The following EYS variants were observed in gnomAD, a reference collection of about 807,000 sequenced individuals.
The protein encoded by EYS is protein eyes shut homolog.
EYS carries 250 observed loss-of-function variants against 282.1 expected under a neutral mutation model. The ratio of observed to expected loss-of-function variants is 0.89; its 90% CI spans 0.80 to 0.98. The LOEUF is 0.98. EYS is among the 50% of genes least tolerant of loss of function. The probability of loss-of-function intolerance (pLI) is 0.00; values close to 1 mark genes in which losing one functional copy is unlikely to be tolerated. For synonymous variants in EYS, 1,355 were observed against 1,282.9 expected (o/e 1.06, Z -1.20); for missense variants, 4,016 against 3,709.0 (o/e 1.08, Z -2.15).
Position 65,033,852 on chromosome 6 carries a change from C to G in EYS, c.2137+23762G>C, listed in dbSNP as rs572024049. 5.3e-5 allele frequency among the ~76,000 whole-genome samples: 8 copies of G among 152,172 alleles called. 1 individual carries two copies. The highest frequency in any genetic ancestry group is 1.9e-4 in the African/African-American group (8 of 41,502). On this transcript the variant is annotated intron_variant, in intron 13 of 42. Coordinates refer to ENST00000503581, the MANE Select transcript of EYS (RefSeq NM_001142800.2). ...GAAAAAGGTCACTCTTCTTTTGACC[C>G]CAGAAAGGTAGATCCACTGACAGCT...
chr6:64,526,125 T>C (rs1320309894), intron 26 of EYS, among the ~76,000 whole-genome samples: 1 of 151,870 alleles, frequency 6.6e-6, no homozygotes, highest in African/African-American at 2.4e-5. Flanking sequence ...TATACTGTTT[T>C]TGAAATTATA....
intron 35 of EYS, among the ~76,000 whole-genome samples, chr6:63,892,957 G>T (rs2149725959): frequency 6.6e-6 from 1 of 152,278 alleles, no homozygotes; most frequent in South Asian, 2.1e-4. Flanking sequence ...AGACGTTTAT[G>T]CAGCCAACAA....
At chr6:64,156,142 T>TA (rs1774914345) in intron 31 of EYS, among the ~76,000 whole-genome samples, 1 of 151,900 alleles carries the variant, frequency 6.6e-6, no homozygotes, top group African/African-American at 2.4e-5. Context: ...TATACTCCCA[T>TA]AATTTCCACA....
At chr6:65,219,410 G>A (rs376048111) in intron 12 of EYS, among the ~76,000 whole-genome samples, 1 of 151,718 alleles carries the variant, frequency 6.6e-6, no homozygotes, top group East Asian at 1.9e-4. Flanking sequence ...TTAAAATATA[G>A]TAGAGTGTTT....
At chr6:64,848,784 T>C (rs1765793095) in intron 19 of EYS, among the ~76,000 whole-genome samples, 1 of 152,074 alleles carries the variant, frequency 6.6e-6, no homozygotes, top group Admixed American at 6.6e-5. Context: ...GTCCATCTAA[T>C]GTTAAATTCT....
At chr6:65,564,931 GAAAC>G (rs1421828255) in intron 2 of EYS, among the ~76,000 whole-genome samples, 2 of 142,152 alleles carry the variant, frequency 1.4e-5, no homozygotes, top group Admixed American at 7.3e-5. Flanking sequence ...AAATTTAAAA[GAAAC>G]AAACAACCCC....
chr6:64,376,514 A>T (rs1772565393), intron 29 of EYS, among the ~76,000 whole-genome samples: 1 of 152,216 alleles, frequency 6.6e-6, no homozygotes, highest in East Asian at 1.9e-4. Flanking sequence ...CTCCACGCAT[A>T]CTGAGAATTC....
intron 28 of EYS, among the ~76,000 whole-genome samples, chr6:64,432,870 C>T (rs946785756): frequency 1.3e-5 from 2 of 151,828 alleles, no homozygotes; most frequent in African/African-American, 4.8e-5. Context: ...TTTGACTGTC[C>T]CTTTCATTAA....
intron 31 of EYS, among the ~76,000 whole-genome samples, chr6:64,172,424 A>G (rs1398056152): frequency 2.0e-5 from 3 of 152,158 alleles, no homozygotes; most frequent in East Asian, 1.9e-4. Flanking sequence ...TCTATTTTTT[A>G]TGAGTTTGAC....
At chr6:65,197,920 A>C (rs375965844) in intron 12 of EYS, among the ~76,000 whole-genome samples, 2 of 151,764 alleles carry the variant, frequency 1.3e-5, no homozygotes, top group African/African-American at 2.4e-5. Context: ...GGCTACATTA[A>C]TTTTTTTTCT....
intron 35 of EYS, among the ~76,000 whole-genome samples, chr6:63,905,061 T>C (rs1773742373): frequency 6.6e-6 from 1 of 152,234 alleles, no homozygotes; most frequent in African/African-American, 2.4e-5. Flanking sequence ...CGTCATTTCC[T>C]GCTGGCTCCT....
At chr6:64,240,817 C>T (rs1235635790) in intron 30 of EYS, among the ~76,000 whole-genome samples, 2 of 152,104 alleles carry the variant, frequency 1.3e-5, no homozygotes, top group Non-Finnish European at 1.5e-5. Flanking sequence ...AGAGGGCAGC[C>T]TTGTCTTGTG....
intron 22 of EYS, among the ~76,000 whole-genome samples, chr6:64,721,136 G>A (rs183083323): frequency 2.6e-5 from 4 of 152,210 alleles, no homozygotes; most frequent in Non-Finnish European, 4.4e-5. Context: ...AAGAACAACA[G>A]GAACAACAAA....
At chr6:65,512,862 ACAT>A (rs1288336372) in intron 2 of EYS, among the ~76,000 whole-genome samples, 1 of 152,198 alleles carries the variant, frequency 6.6e-6, no homozygotes, top group African/African-American at 2.4e-5. Context: ...TGACACCCTA[ACAT>A]CATAATTAAA....
intron 12 of EYS, among the ~76,000 whole-genome samples, chr6:65,152,521 A>G (rs918552894): frequency 6.6e-6 from 1 of 151,944 alleles, no homozygotes; most frequent in Non-Finnish European, 1.5e-5. Flanking sequence ...AAAGAGCCAG[A>G]AAGAGGGTGA....
At chr6:65,397,617 TG>T (rs1281005628) in intron 7 of EYS, among the ~76,000 whole-genome samples, 4 of 151,132 alleles carry the variant, frequency 2.6e-5, no homozygotes, top group African/African-American at 7.3e-5. Flanking sequence ...TGTGTGTGTG[TG>T]TGTGTGTGTG....
At chr6:65,480,961 G>A (rs1765585252) in intron 5 of EYS, among the ~76,000 whole-genome samples, 2 of 152,130 alleles carry the variant, frequency 1.3e-5, no homozygotes, top group Admixed American at 1.3e-4. Context: ...GCTGGGAAGG[G>A]TAGGGAGAAG....
intron 12 of EYS, among the ~76,000 whole-genome samples, chr6:65,281,385 A>C (rs1289796906): frequency 6.6e-6 from 1 of 152,106 alleles, no homozygotes; most frequent in Non-Finnish European, 1.5e-5. Context: ...TATAACTCAC[A>C]ATGTATGTAG....
chr6:65,237,302 C>A (rs1766952952), intron 12 of EYS, among the ~76,000 whole-genome samples: 1 of 152,156 alleles, frequency 6.6e-6, no homozygotes, highest in Non-Finnish European at 1.5e-5. Flanking sequence ...TCATCATGAA[C>A]ACTTAGGACA....
Sources: allele counts gnomAD v4.1 joint callset (sites outside exome capture counted in the v4.1 genomes callset), GRCh38; gene constraint gnomAD v4.1.1; transcripts MANE v1.5; gene names NCBI Gene and HGNC (gene_info 2026-07-23, HGNC 2026-07-21).